The following COL18A1 variants were observed in gnomAD, a reference collection of about 807,000 sequenced individuals.
COL18A1 encodes the protein collagen alpha-1(XVIII) chain.
COL18A1 carries 133 observed loss-of-function variants against 168.0 expected under a neutral mutation model. That is an observed-to-expected ratio of 0.79 (90% CI 0.69 to 0.91). COL18A1 has a LOEUF of 0.91. COL18A1 is among the 40% of genes least tolerant of loss of function. The probability of loss-of-function intolerance (pLI) is 0.00; values close to 1 mark genes in which losing one functional copy is unlikely to be tolerated. For synonymous variants in COL18A1, 949 were observed against 809.0 expected (o/e 1.17, Z -2.94); for missense variants, 2,126 against 1,925.4 (o/e 1.10, Z -1.95).
intron 6 of COL18A1, 62 bp from the exon 7 acceptor site, chr21:45,477,349 C>CGA: frequency 1.4e-6 from 2 of 1,417,036 alleles, no homozygotes; most frequent in Non-Finnish European, 2.0e-6. Flanking sequence ...TCTGGGGTGC[C>CGA]GAGAGCAGAG....
rs1303079889 is a variant in COL18A1 at position 45,473,872 on chromosome 21, C to A, written c.652-23C>A. The A allele has an allele frequency of 3.2e-6, 5 of 1,576,728 alleles. No individual in the cohort carries two copies. The highest frequency in any genetic ancestry group is 2.3e-5 in the East Asian group (1 of 42,642). On this transcript the variant is annotated intron_variant, in intron 3 of 41. Coordinates refer to ENST00000651438, the MANE Select transcript of COL18A1 (RefSeq NM_001379500.1). The surrounding 1 kb of genome is among the most constrained non-coding windows in gnomAD (Gnocchi z 4.0). ...ACTGCCACCTCAGGACCGCTGGTGA[C>A]CCCTTTCTCTGTCTGCATTTAGGGG...
intron 2 of COL18A1, among the ~76,000 whole-genome samples, chr21:45,442,062 C>T (rs1279333072): frequency 6.6e-6 from 1 of 152,230 alleles, no homozygotes; most frequent in Non-Finnish European, 1.5e-5. Context: ...CCCTCATCCA[C>T]GCAGTCCTGC....
In COL18A1 at chr21:45,477,440, T is replaced by C. The variant is rs1341582545; in HGVS notation, c.958T>C (p.Ser320Pro). 4 of 1,613,100 alleles carry C rather than the reference T, an allele frequency of 2.5e-6. No individual in the cohort carries two copies. The Admixed American group carries it at 6.7e-5, about 27-fold the overall frequency. The change falls in exon 7 of 42, where the codon TCC (serine) becomes CCC (proline). Residue 320 changes from serine to proline, a missense_variant. Transcript: ENST00000651438. ...AQTLPGSDSV[S>P]TWDGSVRTPG... ...GACACTTCCTGGCTCAGATTCTGTC[T>C]CCACGTGGGACGGGAGTGTCCGGAC...
At chr21:45,492,388 GGGAT>G in intron 22 of COL18A1, 143 bp from the exon 23 acceptor site, 4 of 950,276 alleles carry the variant, frequency 4.2e-6, no homozygotes, top group Middle Eastern at 6.0e-4. Flanking sequence ...TGCTGCAGGA[GGGAT>G]GCCCCAGGCC....
intron 8 of COL18A1, 149 bp downstream of exon 8, chr21:45,478,114 G>A: frequency 1.3e-6 from 1 of 746,080 alleles, no homozygotes; most frequent in East Asian, 2.7e-5. Context: ...GCTCGGGGTT[G>A]GTGCTGGAAG....
chr21:45,444,771 G>A (rs1433813821), intron 2 of COL18A1, among the ~76,000 whole-genome samples: 3 of 152,132 alleles, frequency 2.0e-5, no homozygotes, highest in South Asian at 2.1e-4. Context: ...AGATGACTCC[G>A]TGTCCATACC....
chr21:45,477,095 A>G (rs1457844597), intron 6 of COL18A1, among the ~76,000 whole-genome samples: 1 of 152,196 alleles, frequency 6.6e-6, no homozygotes, highest in African/African-American at 2.4e-5. Context: ...GGGACAAAGC[A>G]TGCTGGGTGA....
At chr21:45,452,383 G>A (rs2034640995) in intron 2 of COL18A1, among the ~76,000 whole-genome samples, 1 of 152,264 alleles carries the variant, frequency 6.6e-6, no homozygotes, top group Admixed American at 6.5e-5. Flanking sequence ...GTGAGCTTGT[G>A]TATGCATGTA....
At chr21:45,504,635 TTCGACACCCGCGAAG>T in intron 34 of COL18A1, 79 bp downstream of exon 34, 4 of 1,323,250 alleles carry the variant, frequency 3.0e-6, no homozygotes, top group Non-Finnish European at 4.2e-6. Flanking sequence ...CAGCCCGGCC[TTCGACACCCGCGAAG>T]GCCGGAGCTG....
chr21:45,405,357 G>A, intron 1 of COL18A1, 22 bp from the exon 2 acceptor site: 1 of 1,210,500 alleles, frequency 8.3e-7, no homozygotes, highest in East Asian at 4.1e-5. Flanking sequence ...TGCGGGGTCT[G>A]ACCCGTGCCT....
chr21:45,487,059 C>T, intron 16 of COL18A1, 67 bp downstream of exon 16: 2 of 1,404,584 alleles, frequency 1.4e-6, no homozygotes, highest in Non-Finnish European at 9.4e-7. Flanking sequence ...CCTACTACCC[C>T]TGGCATCTCA....
rs370953127 is a variant in COL18A1, at chr21:45,512,240, G to C, written c.3862G>C (p.Glu1288Gln). 10 of 1,612,448 alleles carry C rather than the reference G, an allele frequency of 6.2e-6. No homozygotes were observed. The highest frequency in any genetic ancestry group is 8.5e-6 in the Non-Finnish European group (10 of 1,179,792). Residue 1288 changes from glutamate (E) to glutamine (Q), a missense_variant, in exon 42 of 42, where the codon GAG (glutamate) becomes CAG (glutamine). Coordinates refer to ENST00000651438, the MANE Select transcript of COL18A1 (RefSeq NM_001379500.1). Reference sequence around the variant, plus strand: ...GGACCCCAACGGGCGCAGGCTGACCGAGAGCTACTGTGAGACGTGGCGGAC... The same window carrying C: ...GGACCCCAACGGGCGCAGGCTGACCCAGAGCTACTGTGAGACGTGGCGGAC... ...GSDPNGRRLTESYCETWRTEA... is the reference protein window; with the variant it reads ...GSDPNGRRLTQSYCETWRTEA...
chr21:45,417,462 C>T (rs1372164866), intron 2 of COL18A1, among the ~76,000 whole-genome samples: 2 of 152,190 alleles, frequency 1.3e-5, no homozygotes, highest in African/African-American at 2.4e-5. Context: ...CCCTGTCCTG[C>T]GGTCTGTGGC....
intron 32 of COL18A1, 102 bp downstream of exon 32, chr21:45,497,763 A>C: frequency 6.7e-7 from 1 of 1,483,150 alleles, no homozygotes; most frequent in Non-Finnish European, 9.2e-7. Flanking sequence ...CTGGACCCTC[A>C]CTGGGTGGTG....
At position 45,411,777 on chromosome 21, in the gene COL18A1, C is replaced by T. The variant is rs527611830; in HGVS notation, c.106+6304C>T. ...CTGATGGCGGGGGGTGGGGGGGGGG[C>T]AGGCTGTGGTCAGGGACCTGCAGGA... On this transcript the variant is annotated intron_variant, in intron 2 of 41. Coordinates refer to ENST00000651438, the MANE Select transcript of COL18A1 (RefSeq NM_001379500.1). Among the ~76,000 whole-genome samples the T allele has an allele frequency of 3.3e-4, 22 of 66,900 alleles. 1 individual carries two copies. Among genetic ancestry groups the T allele is most frequent in the Non-Finnish European group, 6.0e-4 (20 of 33,510 alleles). The allele number at this position is 66,900 out of a possible 152,430, so 43.9% of individuals were successfully genotyped here.
In COL18A1 at chr21:45,457,087, G is replaced by A. The variant is rs568845478; in HGVS notation, c.107-11155G>A. 3.3e-5 allele frequency among the ~76,000 whole-genome samples: 5 copies of A among 152,294 alleles called. No homozygotes were observed. The highest frequency in any genetic ancestry group is 1.2e-4 in the African/African-American group (5 of 41,560). ...CGTCTGGACAGGAAGAGGGCTGGAT[G>A]AACCGCAGCCGATGTGTCCAGGTGC... On this transcript the variant is annotated intron_variant, in intron 2 of 41. Transcript: ENST00000651438. This position sits in a 1 kb window ranked among gnomAD's most constrained non-coding sequence, Gnocchi z 4.6.
chr21:45,499,560 G>C (rs1425954132), intron 32 of COL18A1, among the ~76,000 whole-genome samples: 1 of 151,748 alleles, frequency 6.6e-6, no homozygotes, highest in Non-Finnish European at 1.5e-5. Context: ...GGCTCCCTCG[G>C]GAACCCGCGT....
chr21:45,415,325 T>G (rs538572059), intron 2 of COL18A1, among the ~76,000 whole-genome samples: 1 of 152,288 alleles, frequency 6.6e-6, no homozygotes, highest in South Asian at 2.1e-4. Context: ...GCAGGCTTTG[T>G]GGAGACTTAA....
At chr21:45,479,275 TGC>T (rs1294646621) in intron 9 of COL18A1, among the ~76,000 whole-genome samples, 1 of 149,216 alleles carries the variant, frequency 6.7e-6, no homozygotes, top group Non-Finnish European at 1.5e-5. Flanking sequence ...CGTGGACACA[TGC>T]ACACACATTA....
Sources: gnomAD v4.1 joint callset for allele counts (sites outside exome capture counted in the v4.1 genomes callset) on GRCh38, gnomAD v4.1.1 for gene constraint, Gnocchi (gnomAD v3.1) non-coding constraint, MANE v1.5 for transcripts, NCBI Gene and HGNC (gene_info 2026-07-23, HGNC 2026-07-21) for gene names.